The following FRMD4A variants were observed in gnomAD, a reference collection of about 807,000 sequenced individuals.
FRMD4A encodes FERM domain containing 4A, also known as FERM domain-containing protein 4A.
In FRMD4A, 29 loss-of-function variants were observed where a neutral mutation model predicts 129.1. The ratio of observed to expected loss-of-function variants is 0.22; its 90% CI spans 0.17 to 0.31. FRMD4A has a LOEUF of 0.31. Ranked by LOEUF, FRMD4A falls within the 10% of genes least tolerant of loss-of-function variation. The pLI, the probability that FRMD4A is intolerant of heterozygous loss-of-function variation, is 1.00. For missense variants in FRMD4A, 1,272 were observed against 1,375.8 expected (o/e 0.92, Z 1.19); for synonymous variants, 634 against 571.6 (o/e 1.11, Z -1.56).
At chr10:14,245,500 G>A (rs1013596680) in intron 2 of FRMD4A, among the ~76,000 whole-genome samples, 1 of 152,094 alleles carries the variant, frequency 6.6e-6, no homozygotes, top group Non-Finnish European at 1.5e-5. Context: ...TCCTGTTGTG[G>A]GCTGAATTGT....
chr10:13,700,943 T>C (rs1197817207), intron 14 of FRMD4A, among the ~76,000 whole-genome samples: 1 of 150,300 alleles, frequency 6.7e-6, no homozygotes, highest in Non-Finnish European at 1.5e-5. Flanking sequence ...TTAGGTGGTG[T>C]CTATTCGTTG....
At chr10:14,100,916 G>A (rs1588975593) in intron 2 of FRMD4A, among the ~76,000 whole-genome samples, 1 of 152,140 alleles carries the variant, frequency 6.6e-6, no homozygotes, top group Non-Finnish European at 1.5e-5. Flanking sequence ...TGTTAACTTT[G>A]TACAAGTCTT....
chr10:14,306,436 A>G (rs1301705551), intron 2 of FRMD4A, among the ~76,000 whole-genome samples: 1 of 152,238 alleles, frequency 6.6e-6, no homozygotes, highest in African/African-American at 2.4e-5. Flanking sequence ...GTAACCAGAT[A>G]ATGCTTATAA....
intron 2 of FRMD4A, among the ~76,000 whole-genome samples, chr10:14,320,244 G>A (rs1414356665): frequency 2.0e-5 from 3 of 152,070 alleles, no homozygotes; most frequent in Non-Finnish European, 2.9e-5. Flanking sequence ...AGGCTTCAGT[G>A]CCTGCAGCTC....
intron 2 of FRMD4A, among the ~76,000 whole-genome samples, chr10:14,190,189 G>A (rs942452921): frequency 8.5e-5 from 13 of 152,112 alleles, no homozygotes; most frequent in African/African-American, 1.4e-4. Flanking sequence ...GTATGCCCTC[G>A]CCCTAGCAGA....
chr10:14,190,547 AC>A (rs1324619074), intron 2 of FRMD4A, among the ~76,000 whole-genome samples: 1 of 152,054 alleles, frequency 6.6e-6, no homozygotes. Context: ...ATGCTATCAC[AC>A]CTGGCTAATA....
At chr10:14,084,357 G>T (rs1482285774) in intron 2 of FRMD4A, among the ~76,000 whole-genome samples, 1 of 152,164 alleles carries the variant, frequency 6.6e-6, no homozygotes, top group Non-Finnish European at 1.5e-5. Context: ...ATGTTGGTCA[G>T]GCTGGTCTTG....
intron 2 of FRMD4A, among the ~76,000 whole-genome samples, chr10:13,957,301 TG>T (rs2095415443): frequency 6.6e-6 from 1 of 152,212 alleles, no homozygotes; most frequent in Admixed American, 6.5e-5. Context: ...CTGCCCAGAC[TG>T]GAGTGCAGTG....
chr10:14,269,385 G>A (rs1299871532), intron 2 of FRMD4A, among the ~76,000 whole-genome samples: 1 of 152,170 alleles, frequency 6.6e-6, no homozygotes, highest in Admixed American at 6.5e-5. Flanking sequence ...CTGCAGTTCA[G>A]GGTCTCAAGG....
intron 5 of FRMD4A, among the ~76,000 whole-genome samples, chr10:13,783,256 G>A (rs1400578857): frequency 6.6e-6 from 1 of 152,230 alleles, no homozygotes; most frequent in East Asian, 1.9e-4. Context: ...CCACCAATTT[G>A]TAAGAACAAA....
chr10:13,647,679 T>G (rs1254063049), intron 24 of FRMD4A: 2 of 151,746 alleles, frequency 1.3e-5, no homozygotes, highest in Non-Finnish European at 2.9e-5. Context: ...TGTTTTGTGA[T>G]TATAAAAGTG....
rs1473797266 is a variant in FRMD4A at position 13,670,611 on chromosome 10, ACACGCACACAAAAATG to A, written c.1252-99_1252-84del. The A allele has an allele frequency of 2.1e-6, 3 of 1,428,334 alleles. No individual in the cohort carries two copies. In the African/African-American group the frequency reaches 4.2e-5, roughly 20 times the overall value. The allele number at this position is 1,428,334 out of a possible 1,614,324, so 88.5% of individuals were successfully genotyped here. On this transcript the variant is annotated intron_variant, in intron 16 of 24. Transcript: ENST00000357447. ...TCCTAGAACACACACACACGCACATACACGCACACAAAAATGCACGCATGCACTTCGATACAGGTCA... is the reference window on the plus strand; with the variant it reads ...TCCTAGAACACACACACACGCACATACACGCATGCACTTCGATACAGGTCA...
intron 21 of FRMD4A, 59 bp from the exon 22 acceptor site, chr10:13,657,581 T>G: frequency 1.4e-6 from 2 of 1,413,758 alleles, no homozygotes; most frequent in Non-Finnish European, 1.9e-6. Context: ...GGAGGGGTGC[T>G]CCGGGGAGGA....
At chr10:14,116,761 A>G (rs1838220680) in intron 2 of FRMD4A, among the ~76,000 whole-genome samples, 1 of 152,248 alleles carries the variant, frequency 6.6e-6, no homozygotes, top group Non-Finnish European at 1.5e-5. Flanking sequence ...AGCACCTGAC[A>G]TAATTTATCT....
At chr10:13,782,556 G>C (rs1038554711) in intron 6 of FRMD4A, among the ~76,000 whole-genome samples, 1 of 151,136 alleles carries the variant, frequency 6.6e-6, no homozygotes, top group African/African-American at 2.4e-5. Context: ...CAATTCTCCT[G>C]CCTCACCCTC....
intron 2 of FRMD4A, among the ~76,000 whole-genome samples, chr10:14,131,589 C>T (rs950976281): frequency 3.3e-5 from 5 of 152,184 alleles, no homozygotes; most frequent in Admixed American, 6.5e-5. Flanking sequence ...CCCCAACTCC[C>T]ATGACAAATG....
chr10:14,152,350 G>A (rs530067831), intron 2 of FRMD4A, among the ~76,000 whole-genome samples: 2 of 151,890 alleles, frequency 1.3e-5, no homozygotes, highest in South Asian at 2.1e-4. Context: ...GAATGGTCTC[G>A]ATCTCCCGAC....
intron 2 of FRMD4A, among the ~76,000 whole-genome samples, chr10:13,982,466 A>G (rs895426922): frequency 5.7e-4 from 18 of 31,522 alleles, no homozygotes; most frequent in African/African-American, 1.5e-3. Context: ...CTGAGAAGGG[A>G]AGGGGAGGGG....
intron 3 of FRMD4A, among the ~76,000 whole-genome samples, chr10:13,844,691 C>G (rs185475893): frequency 4.9e-4 from 74 of 152,334 alleles, no homozygotes; most frequent in African/African-American, 1.8e-3. Context: ...TGAAGTGGCA[C>G]TTTGGCATTT....
Sources: gnomAD v4.1 joint callset for allele counts (sites outside exome capture counted in the v4.1 genomes callset) on GRCh38, gnomAD v4.1.1 for gene constraint, MANE v1.5 for transcripts, NCBI Gene and HGNC (gene_info 2026-07-23, HGNC 2026-07-21) for gene names.